Variants in PRDM16 observed in about 807,000 individuals in gnomAD.
PRDM16 encodes the protein PR/SET domain 16.
PRDM16 carries 23 observed loss-of-function variants against 110.6 expected under a neutral mutation model. That is an observed-to-expected ratio of 0.21 (90% CI 0.15 to 0.29). The LOEUF is 0.29. Among genes scored for constraint, PRDM16 ranks in the 10% least tolerant of loss-of-function variants. The probability of loss-of-function intolerance (pLI) is 1.00; values close to 1 mark genes in which losing one functional copy is unlikely to be tolerated. For missense variants in PRDM16, 1,615 were observed against 1,794.3 expected, an observed-to-expected ratio of 0.90 and a Z score of 1.81; for synonymous variants, 799 against 781.8, an observed-to-expected ratio of 1.02 and a Z score of -0.37.
At chr1:3,313,227 C>T (rs1641507920) in intron 3 of PRDM16, among the ~76,000 whole-genome samples, 1 of 152,240 alleles carries the variant, frequency 6.6e-6, no homozygotes, top group African/African-American at 2.4e-5. Context: ...GAGGCCAGAG[C>T]GACTGTTGGA....
chr1:3,174,284 C>T (rs571073129), intron 1 of PRDM16, among the ~76,000 whole-genome samples: 1 of 152,326 alleles, frequency 6.6e-6, no homozygotes, highest in African/African-American at 2.4e-5. Flanking sequence ...AATTAGGGCC[C>T]TCCCTAGTGA....
intron 3 of PRDM16, among the ~76,000 whole-genome samples, chr1:3,258,813 C>T (rs543115190): frequency 6.6e-6 from 1 of 152,324 alleles, no homozygotes; most frequent in East Asian, 1.9e-4. Flanking sequence ...CGGCTTCTGC[C>T]GGGGAACAGG....
At chr1:3,304,090 G>A in intron 3 of PRDM16, among the ~76,000 whole-genome samples, 1 of 141,376 alleles carries the variant, frequency 7.1e-6, no homozygotes, top group Non-Finnish European at 1.5e-5. Context: ...TAATCCTTGG[G>A]GACAGTGACA....
rs1467406511 is a variant in PRDM16, at chr1:3,362,038, C to T, written c.439-23114C>T. On this transcript the variant is annotated intron_variant, in intron 3 of 16. Coordinates refer to ENST00000270722, the MANE Select transcript of PRDM16 (RefSeq NM_022114.4). Reference sequence around the variant, plus strand: ...CAGGTGGTGAGAAGTGACTGTGGCCCGGGAGGGGTGTCTGCTGGTAGCCAG... The same window carrying T: ...CAGGTGGTGAGAAGTGACTGTGGCCTGGGAGGGGTGTCTGCTGGTAGCCAG... Among the ~76,000 whole-genome samples, 15 of 152,276 alleles carry T rather than the reference C, an allele frequency of 9.9e-5. No individual in the cohort carries two copies. In the East Asian group the frequency reaches 2.1e-3, roughly 22 times the overall value.
chr1:3,088,846 G>A (rs1192601902), intron 1 of PRDM16, among the ~76,000 whole-genome samples: 1 of 151,564 alleles, frequency 6.6e-6, no homozygotes, highest in Non-Finnish European at 1.5e-5. Context: ...GGAGTGCAAT[G>A]GCGCAATCTC....
chr1:3,096,450 G>A (rs1017003161), intron 1 of PRDM16, among the ~76,000 whole-genome samples: 3 of 152,196 alleles, frequency 2.0e-5, no homozygotes, highest in Non-Finnish European at 2.9e-5. Context: ...GAGGGGAGGC[G>A]ACTGGGCCTG....
chr1:3,408,880 G>A (rs974451440), intron 8 of PRDM16, among the ~76,000 whole-genome samples: 32 of 149,994 alleles, frequency 2.1e-4, no homozygotes, highest in African/African-American at 6.7e-4. Context: ...GAGCTGGTGC[G>A]TGTGTGTGTG....
At chr1:3,249,681 T>A (rs1639881174) in intron 3 of PRDM16, among the ~76,000 whole-genome samples, 1 of 152,254 alleles carries the variant, frequency 6.6e-6, no homozygotes. Context: ...AGCCCCGAGT[T>A]GATTTTGATA....
At chr1:3,351,541 T>TCTCCCCTCC (rs1642484901) in intron 3 of PRDM16, among the ~76,000 whole-genome samples, 2 of 59,752 alleles carry the variant, frequency 3.3e-5, no homozygotes, top group Non-Finnish European at 3.5e-5. Context: ...TCCCCCTCCC[T>TCTCCCCTCC]CTCTGTCCCC....
chr1:3,350,795 T>C lies in PRDM16; in HGVS notation c.439-34357T>C, dbSNP rs999011716. Among the ~76,000 whole-genome samples, 1 of 152,148 alleles carries C rather than the reference T, an allele frequency of 6.6e-6. No homozygotes were observed. The highest frequency in any genetic ancestry group is 2.1e-4 in the South Asian group (1 of 4,830). The stretch of plus-strand genomic sequence containing the variant: ...CAATGCCGCGTCCAGTGTTTTCCTC[T>C]TTCTGGGCCTCAAACTCTTTTTTGA... On this transcript the variant is annotated intron_variant, in intron 3 of 16. Coordinates refer to ENST00000270722, the MANE Select transcript of PRDM16 (RefSeq NM_022114.4). The surrounding 1 kb of genome is among the most constrained non-coding windows in gnomAD (Gnocchi z 7.1).
intron 1 of PRDM16, among the ~76,000 whole-genome samples, chr1:3,165,523 G>A (rs1643943119): frequency 8.6e-6 from 1 of 116,078 alleles, no homozygotes; most frequent in Non-Finnish European, 1.7e-5. Context: ...CTGGGCTCAG[G>A]GACAGTGACT....
chr1:3,244,017 A>G lies in PRDM16; in HGVS notation c.388-70A>G, dbSNP rs950070707. On this transcript the variant is annotated intron_variant, in intron 2 of 16. Transcript: ENST00000270722. The surrounding 1 kb of genome is among the most constrained non-coding windows in gnomAD (Gnocchi z 4.1). ...TGGGGACAGTGGTTCTGCCCCCACC[A>G]TTTAGAACCCAGTGTAGCTTGAGAA... 7.6e-5 allele frequency: 116 copies of G among 1,520,154 alleles called. No individual in the cohort carries two copies. The highest frequency in any genetic ancestry group is 9.5e-5 in the Non-Finnish European group (104 of 1,094,654). 94.2% of individuals were successfully genotyped at this position (1,520,154 alleles called of 1,614,324 possible).
chr1:3,314,004 A>G (rs529202759), intron 3 of PRDM16, among the ~76,000 whole-genome samples: 8 of 147,354 alleles, frequency 5.4e-5, no homozygotes, highest in African/African-American at 2.1e-4. Context: ...GGAGTCACCC[A>G]GTGTCAGACC....
chr1:3,188,585 G>A lies in PRDM16; in HGVS notation c.387+2111G>A, dbSNP rs546372323. Among the ~76,000 whole-genome samples, 57 of 152,186 alleles carry A rather than the reference G, an allele frequency of 3.7e-4. 1 individual carries two copies. The highest frequency in any genetic ancestry group is 2.9e-3 in the Admixed American group (44 of 15,282). The stretch of plus-strand genomic sequence containing the variant: ...CCACCTGACAGATACCCCTCCTGCC[G>A]GCGCTTAGAAATATTTACTCTCCCC... On this transcript the variant is annotated intron_variant, in intron 2 of 16. Coordinates refer to ENST00000270722, the MANE Select transcript of PRDM16 (RefSeq NM_022114.4).
At chr1:3,181,774 ACACATG>A (rs1644205040) in intron 1 of PRDM16, among the ~76,000 whole-genome samples, 1 of 141,874 alleles carries the variant, frequency 7.0e-6, no homozygotes, top group Non-Finnish European at 1.5e-5. Flanking sequence ...ACACAGTCTT[ACACATG>A]CAGTCTTACA....
At chr1:3,410,762 G>A (rs976758698) in intron 8 of PRDM16, among the ~76,000 whole-genome samples, 2 of 152,156 alleles carry the variant, frequency 1.3e-5, no homozygotes, top group Non-Finnish European at 2.9e-5. Context: ...TGAAGACGAA[G>A]GCAGGGCGGG....
intron 2 of PRDM16, among the ~76,000 whole-genome samples, chr1:3,210,561 T>C (rs1470012772): frequency 6.6e-6 from 1 of 152,258 alleles, no homozygotes; most frequent in Non-Finnish European, 1.5e-5. Context: ...CAAAGGCTGA[T>C]AAAATATTTC....
At chr1:3,337,565 G>A (rs1642186366) in intron 3 of PRDM16, among the ~76,000 whole-genome samples, 1 of 152,320 alleles carries the variant, frequency 6.6e-6, no homozygotes, top group East Asian at 1.9e-4. Flanking sequence ...AGAGGCCCTT[G>A]GGGTGGGAGC....
intron 3 of PRDM16, among the ~76,000 whole-genome samples, chr1:3,341,795 C>T (rs1390935650): frequency 2.6e-5 from 4 of 152,248 alleles, no homozygotes; most frequent in African/African-American, 7.2e-5. Flanking sequence ...GAGGGTGAAC[C>T]GCCCGCGCTC....
Sources: allele counts gnomAD v4.1 joint callset (sites outside exome capture counted in the v4.1 genomes callset), GRCh38; gene constraint gnomAD v4.1.1; non-coding constraint Gnocchi (gnomAD v3.1); transcripts MANE v1.5; gene names NCBI Gene and HGNC (gene_info 2026-07-23, HGNC 2026-07-21).